The following SPIDR variants were observed in gnomAD, a reference collection of about 807,000 sequenced individuals.
The protein encoded by SPIDR is scaffold protein involved in DNA repair.
Under a neutral mutation model 104.6 loss-of-function variants are expected in SPIDR, and 93 were observed. The observed-to-expected ratio is 0.89, with a 90% CI of 0.75 to 1.06. The LOEUF (loss-of-function observed/expected upper bound fraction) is 1.06. Ranked by LOEUF, SPIDR falls within the 50% of genes least tolerant of loss-of-function variation. SPIDR has a pLI of 0.00. For synonymous variants in SPIDR, 431 were observed against 416.9 expected (o/e 1.03, Z -0.41); for missense variants, 1,154 against 1,111.2 (o/e 1.04, Z -0.55).
intron 8 of SPIDR, among the ~76,000 whole-genome samples, chr8:47,503,538 G>A (rs552130155): frequency 7.9e-5 from 12 of 151,840 alleles, no homozygotes; most frequent in East Asian, 7.8e-4. Flanking sequence ...GTCTCTGCAC[G>A]TGAGATGGGT....
chr8:47,413,213 C>G (rs1368293421), intron 7 of SPIDR, among the ~76,000 whole-genome samples: 1 of 152,236 alleles, frequency 6.6e-6, no homozygotes, highest in African/African-American at 2.4e-5. Flanking sequence ...ATATCATTTG[C>G]ATACTGCGTT....
intron 10 of SPIDR, chr8:47,654,014 A>T: frequency 1.6e-6 from 2 of 1,287,478 alleles, no homozygotes; most frequent in Admixed American, 4.6e-5. Flanking sequence ...GGACTATCAG[A>T]TTCCATGAGG....
At position 47,440,421 on chromosome 8, in the gene SPIDR, A is replaced by G. The variant is rs1379634374; in HGVS notation, c.976A>G (p.Thr326Ala). Residue 326 changes from threonine (T) to alanine (A), a missense_variant, in exon 8 of 20, where the codon ACC becomes GCC. Thr to Ala is a moderately conservative substitution (Grantham distance 58). Coordinates refer to ENST00000297423, the MANE Select transcript of SPIDR (RefSeq NM_001080394.4). ...TGAGCAGTTATTGGGGTCACCAGCC[A>G]CCAGCTCCTCCCAAAGTGTGGCTCC... ...MCEQLLGSPA[T>A]SSSQSVAPRP... is the part of the protein sequence containing the mutation. 26 of 1,614,116 alleles carry G rather than the reference A, an allele frequency of 1.6e-5. No homozygotes were observed. The highest frequency in any genetic ancestry group is 2.2e-5 in the Non-Finnish European group (26 of 1,180,040).
At chr8:47,667,347 C>T (rs1310034495) in intron 10 of SPIDR, among the ~76,000 whole-genome samples, 1 of 150,040 alleles carries the variant, frequency 6.7e-6, no homozygotes, top group Non-Finnish European at 1.5e-5. Flanking sequence ...TTGATAATCC[C>T]AGCATTTTGA....
chr8:47,603,628 C>G (rs1208056263), intron 10 of SPIDR, among the ~76,000 whole-genome samples: 2 of 150,556 alleles, frequency 1.3e-5, no homozygotes, highest in Non-Finnish European at 2.9e-5. Context: ...AAACTTGTAA[C>G]CTCAAGCAAT....
intron 7 of SPIDR, among the ~76,000 whole-genome samples, chr8:47,429,231 T>G (rs1163054642): frequency 1.3e-5 from 2 of 152,208 alleles, no homozygotes; most frequent in African/African-American, 4.8e-5. Flanking sequence ...AAAATAATGG[T>G]GGGACCTAGA....
intron 10 of SPIDR, among the ~76,000 whole-genome samples, chr8:47,641,507 G>A (rs886681579): frequency 3.3e-5 from 5 of 152,196 alleles, no homozygotes; most frequent in Admixed American, 6.5e-5. Flanking sequence ...TAGATGAGAC[G>A]TTTTAAAACA....
chr8:47,363,630 A>G (rs1362985299), intron 5 of SPIDR, among the ~76,000 whole-genome samples: 1 of 151,976 alleles, frequency 6.6e-6, no homozygotes, highest in Non-Finnish European at 1.5e-5. Flanking sequence ...ACTTTCCACA[A>G]TGCTTATGTT....
At chr8:47,620,305 C>T (rs1484009962) in intron 10 of SPIDR, among the ~76,000 whole-genome samples, 2 of 138,000 alleles carry the variant, frequency 1.4e-5, no homozygotes, top group African/African-American at 5.4e-5. Context: ...GACGGAGTCT[C>T]ACTCTGTCAC....
Position 47,416,017 on chromosome 8 carries a change from C to T in SPIDR, c.877+8056C>T, listed in dbSNP as rs1211643232. Reference sequence around the variant, plus strand: ...TTCCAGCACTTTGGGAGACCAAGGCCGGCAGATCACAAGGTCAGGAGTTTG... The same window carrying T: ...TTCCAGCACTTTGGGAGACCAAGGCTGGCAGATCACAAGGTCAGGAGTTTG... On this transcript the variant is annotated intron_variant, in intron 7 of 19. Transcript: ENST00000297423. 7.2e-5 allele frequency among the ~76,000 whole-genome samples: 11 copies of T among 152,108 alleles called. No individual in the cohort carries two copies. The South Asian group carries it at 8.3e-4, about 11-fold the overall frequency.
At chr8:47,592,464 A>G in intron 8 of SPIDR, 1 of 1,434,044 alleles carries the variant, frequency 7.0e-7, no homozygotes, top group Non-Finnish European at 9.8e-7. Flanking sequence ...TCCCTCCCTC[A>G]AAGGGGGAAG....
In SPIDR at chr8:47,270,065, G is replaced by A. The variant is rs376833914; in HGVS notation, c.33+9074G>A. 2.4e-4 allele frequency among the ~76,000 whole-genome samples: 37 copies of A among 152,200 alleles called. No individual in the cohort carries two copies. In the East Asian group the frequency reaches 6.6e-3, roughly 27 times the overall value. On this transcript the variant is annotated intron_variant, in intron 1 of 19. Transcript: ENST00000297423. ...GCTGGATTCAGTTTGCTAGTATTTTGTTGAGGATTTTTGCATCTATATTCA... is the reference window on the plus strand; with the variant it reads ...GCTGGATTCAGTTTGCTAGTATTTTATTGAGGATTTTTGCATCTATATTCA...
In SPIDR at chr8:47,396,589, A is replaced by C. The variant is rs1554658750; in HGVS notation, c.739A>C (p.Arg247=). ...TPQKPTAKFP[R]TPENSAKKKL... is the part of the protein sequence containing the mutation. ...TCAGAAACCCACAGCTAAGTTTCCCAGGACTCCAGAAAATTCAGCAAAGAA... is the reference window on the plus strand; with the variant it reads ...TCAGAAACCCACAGCTAAGTTTCCCCGGACTCCAGAAAATTCAGCAAAGAA... The change falls in exon 6 of 20, where the codon AGG becomes CGG. Residue 247 remains arginine (R), a synonymous_variant. Transcript: ENST00000297423. 3 of 1,613,938 alleles carry C rather than the reference A, an allele frequency of 1.9e-6. No individual in the cohort carries two copies.
chr8:47,319,758 A>G (rs2046164309), intron 5 of SPIDR, among the ~76,000 whole-genome samples: 1 of 152,230 alleles, frequency 6.6e-6, no homozygotes, highest in Non-Finnish European at 1.5e-5. Context: ...CTCAGACCAC[A>G]GTGCAATCAA....
intron 5 of SPIDR, among the ~76,000 whole-genome samples, chr8:47,303,936 C>G (rs1554579988): frequency 6.6e-6 from 1 of 152,148 alleles, no homozygotes; most frequent in African/African-American, 2.4e-5. Context: ...CTCGGCCTCC[C>G]AAAGTGCTGA....
chr8:47,333,929 T>C (rs2049228983), intron 5 of SPIDR, among the ~76,000 whole-genome samples: 1 of 152,226 alleles, frequency 6.6e-6, no homozygotes, highest in Non-Finnish European at 1.5e-5. Flanking sequence ...TGCTATAAAT[T>C]TCTCCTCTAA....
At chr8:47,310,290 C>T (rs1253746031) in intron 5 of SPIDR, among the ~76,000 whole-genome samples, 2 of 148,510 alleles carry the variant, frequency 1.3e-5, no homozygotes, top group African/African-American at 5.0e-5. Context: ...GCTGAGATCG[C>T]GCCGCTGCAC....
intron 4 of SPIDR, among the ~76,000 whole-genome samples, chr8:47,292,453 A>G (rs1332912717): frequency 6.6e-6 from 1 of 152,214 alleles, no homozygotes; most frequent in Non-Finnish European, 1.5e-5. Flanking sequence ...TTGTCTTCAT[A>G]CATTTCAGAA....
chr8:47,281,605 C>T (rs963918763), intron 2 of SPIDR, among the ~76,000 whole-genome samples: 13 of 152,204 alleles, frequency 8.5e-5, no homozygotes, highest in African/African-American at 2.7e-4. Flanking sequence ...CCATTCAACT[C>T]GTAGGAAATT....
Sources: allele counts gnomAD v4.1 joint callset (sites outside exome capture counted in the v4.1 genomes callset), GRCh38; gene constraint gnomAD v4.1.1; transcripts MANE v1.5; gene names NCBI Gene and HGNC (gene_info 2026-07-23, HGNC 2026-07-21).